The following ATP6V1B2 variants were observed in gnomAD, a reference collection of about 807,000 sequenced individuals.
ATP6V1B2 encodes V-type proton ATPase subunit B, brain isoform.
A neutral mutation model predicts 66.7 loss-of-function variants in ATP6V1B2; 23 were observed. The ratio of observed to expected loss-of-function variants is 0.34; its 90% CI spans 0.25 to 0.49. The LOEUF (loss-of-function observed/expected upper bound fraction) is 0.49. ATP6V1B2 is among the 20% of genes least tolerant of loss of function. The pLI, the probability that ATP6V1B2 is intolerant of heterozygous loss-of-function variation, is 0.99. For missense variants in ATP6V1B2, 478 were observed against 650.8 expected, an observed-to-expected ratio of 0.73 and a Z score of 2.89; for synonymous variants, 278 against 236.7, an observed-to-expected ratio of 1.17 and a Z score of -1.60.
intron 2 of ATP6V1B2, among the ~76,000 whole-genome samples, chr8:20,204,907 G>A (rs1409238259): frequency 2.0e-5 from 3 of 152,160 alleles, no homozygotes; most frequent in Non-Finnish European, 4.4e-5. Context: ...AATACATTGA[G>A]AAACACTTCT....
At chr8:20,217,367 C>A (rs745844950) in intron 12 of ATP6V1B2, 43 bp downstream of exon 12, 1 of 1,515,364 alleles carries the variant, frequency 6.6e-7, no homozygotes. Flanking sequence ...AATATGGATA[C>A]GTTTCTGCTG....
intron 1 of ATP6V1B2, among the ~76,000 whole-genome samples, chr8:20,199,087 G>T (rs1011865441): frequency 6.6e-6 from 1 of 152,192 alleles, no homozygotes; most frequent in Non-Finnish European, 1.5e-5. Context: ...TGTCAATTCA[G>T]AGAATATCAA....
intron 2 of ATP6V1B2, among the ~76,000 whole-genome samples, chr8:20,207,396 T>A (rs1277202038): frequency 1.3e-5 from 2 of 151,982 alleles, no homozygotes; most frequent in Non-Finnish European, 2.9e-5. Context: ...AAATATAAAA[T>A]TAGTTACCAA....
At chr8:20,209,872 T>C (rs553278774) in intron 3 of ATP6V1B2, among the ~76,000 whole-genome samples, 12 of 152,040 alleles carry the variant, frequency 7.9e-5, no homozygotes, top group Non-Finnish European at 1.8e-4. Flanking sequence ...AGTTTTAAAA[T>C]GTTACCTCAC....
At position 20,220,582 on chromosome 8, in the gene ATP6V1B2, A is replaced by G; in HGVS notation, c.*180A>G. 1.1e-6 allele frequency: 1 copy of G among 872,730 alleles called. No homozygotes were observed. Among genetic ancestry groups the G allele is most frequent in the South Asian group, 2.5e-5 (1 of 40,532 alleles). The allele number at this position is 872,730 out of a possible 1,614,324, so 54.1% of individuals were successfully genotyped here. On this transcript the variant is annotated 3_prime_UTR_variant, in exon 14 of 14. Coordinates refer to ENST00000276390, the MANE Select transcript of ATP6V1B2 (RefSeq NM_001693.4). ...ACGTTTTAAACTGCTAACAGACCTT[A>G]AAATATCCCCCTACCTGGGTCCTCA...
intron 13 of ATP6V1B2, among the ~76,000 whole-genome samples, chr8:20,219,708 T>C (rs1267931445): frequency 6.6e-6 from 1 of 152,162 alleles, no homozygotes; most frequent in African/African-American, 2.4e-5. Flanking sequence ...CCTCCAGCCT[T>C]GGACTCAAAG....
chr8:20,203,893 C>T (rs77307407), intron 1 of ATP6V1B2: 39,241 of 434,552 alleles, frequency 0.09, 2,106 homozygotes, highest in Admixed American at 0.17. Flanking sequence ...TTGCCTACTC[C>T]GTCCTTCAGA....
At chr8:20,208,303 A>G (rs2072758262) in intron 2 of ATP6V1B2, among the ~76,000 whole-genome samples, 1 of 152,176 alleles carries the variant, frequency 6.6e-6, no homozygotes, top group Admixed American at 6.5e-5. Flanking sequence ...AGCTGAATGA[A>G]AGGTAGTGTA....
rs376442654 is a variant in ATP6V1B2, at chr8:20,209,344, A to T, written c.193-89A>T. On this transcript the variant is annotated intron_variant, in intron 2 of 13. Coordinates refer to ENST00000276390, the MANE Select transcript of ATP6V1B2 (RefSeq NM_001693.4). ...GTGAAGAGTAGAGGGTTCCATATTCAGACACAACATGGGAGAGACAGAGCA... is the reference window on the plus strand; with the variant it reads ...GTGAAGAGTAGAGGGTTCCATATTCTGACACAACATGGGAGAGACAGAGCA... 1.7e-4 allele frequency: 220 copies of T among 1,301,284 alleles called. 1 individual carries two copies. The East Asian group carries it at 1.9e-3, about 11-fold the overall frequency. The allele number at this position is 1,301,284 out of a possible 1,614,324, so 80.6% of individuals were successfully genotyped here.
At position 20,210,655 on chromosome 8, in the gene ATP6V1B2, A is replaced by G. The variant is rs748303124; in HGVS notation, c.463+9A>G. On this transcript the variant is annotated intron_variant, in intron 5 of 13. Transcript: ENST00000276390. ...CTTCCTTGATATCATGGGTAGGTAC[A>G]GTAGATGGATTGCTGTGTTTGGGAG... 8 of 1,606,140 alleles carry G rather than the reference A, an allele frequency of 5.0e-6. 1 individual carries two copies. In the South Asian group the frequency reaches 5.5e-5, roughly 11 times the overall value.
At chr8:20,209,656 G>T (rs2072773525) in intron 3 of ATP6V1B2, 125 bp downstream of exon 3, 2 of 881,026 alleles carry the variant, frequency 2.3e-6, no homozygotes, top group Admixed American at 2.5e-5. Flanking sequence ...GTTACCGGCT[G>T]CAGGGAAAGA....
chr8:20,202,032 G>A (rs1188397839), intron 1 of ATP6V1B2, among the ~76,000 whole-genome samples: 1 of 152,136 alleles, frequency 6.6e-6, no homozygotes, highest in East Asian at 1.9e-4. Flanking sequence ...TAAGAGCAGA[G>A]CCCTCATGAC....
intron 1 of ATP6V1B2, among the ~76,000 whole-genome samples, chr8:20,201,562 A>G (rs908765931): frequency 3.9e-5 from 6 of 152,144 alleles, no homozygotes; most frequent in South Asian, 4.1e-4. Flanking sequence ...TATGATCTCC[A>G]TACTTTTTAA....
At chr8:20,212,721 T>C in intron 8 of ATP6V1B2, 61 bp from the exon 9 acceptor site, 1 of 1,580,864 alleles carries the variant, frequency 6.3e-7, no homozygotes, top group South Asian at 1.2e-5. Flanking sequence ...AATCATTTCT[T>C]TTTGTGTTTT....
chr8:20,213,113 G>T (rs1003405958), intron 9 of ATP6V1B2: 2 of 551,454 alleles, frequency 3.6e-6, no homozygotes, highest in Non-Finnish European at 6.2e-6. Flanking sequence ...TGGTTAGCCT[G>T]TTTATCATAC....
intron 11 of ATP6V1B2, 95 bp downstream of exon 11, chr8:20,216,590 G>A: frequency 8.7e-7 from 1 of 1,144,238 alleles, no homozygotes; most frequent in Non-Finnish European, 1.3e-6. Context: ...GCTTTGCTTA[G>A]AAAGTATCAA....
At chr8:20,202,324 G>A (rs182327956) in intron 1 of ATP6V1B2, among the ~76,000 whole-genome samples, 61 of 152,100 alleles carry the variant, frequency 4.0e-4, no homozygotes, top group African/African-American at 1.5e-3. Context: ...TGTGTCCTTG[G>A]GCAAGACACA....
rs563432676 is a variant in ATP6V1B2, at chr8:20,205,406, A to G, written c.192+867A>G. Among the ~76,000 whole-genome samples the G allele has an allele frequency of 1.2e-3, 181 of 152,316 alleles. 5 individuals are homozygous for G. In the South Asian group the frequency reaches 0.036, roughly 31 times the overall value. On this transcript the variant is annotated intron_variant, in intron 2 of 13. Coordinates refer to ENST00000276390, the MANE Select transcript of ATP6V1B2 (RefSeq NM_001693.4). The stretch of plus-strand genomic sequence containing the variant: ...TGAGCATAGTATAGTGGAGATGCAG[A>G]TATAGTATCAATGTCTCATTGGTAC...
At chr8:20,205,033 C>T (rs1159057922) in intron 2 of ATP6V1B2, among the ~76,000 whole-genome samples, 1 of 152,160 alleles carries the variant, frequency 6.6e-6, no homozygotes, top group Non-Finnish European at 1.5e-5. Context: ...GAGTTTACCT[C>T]CTGACTGCAG....
Sources: gnomAD v4.1 joint callset for allele counts (sites outside exome capture counted in the v4.1 genomes callset) on GRCh38, gnomAD v4.1.1 for gene constraint, MANE v1.5 for transcripts, NCBI Gene and HGNC (gene_info 2026-07-23, HGNC 2026-07-21) for gene names.